PCDHA2: variants seen among roughly 807,000 people sequenced by gnomAD.
PCDHA2 encodes the protein protocadherin alpha 2.
A neutral mutation model predicts 66.0 loss-of-function variants in PCDHA2; 58 were observed. That is an observed-to-expected ratio of 0.88 (90% CI 0.71 to 1.09). PCDHA2 has a LOEUF of 1.09. Ranked by LOEUF, PCDHA2 falls within the 50% of genes least tolerant of loss-of-function variation. PCDHA2 has a pLI of 0.00. For synonymous variants in PCDHA2, 634 were observed against 554.0 expected (o/e 1.14, Z -2.03); for missense variants, 1,267 against 1,242.3 (o/e 1.02, Z -0.30).
At chr5:140,857,933 G>A (rs1554150890) in intron 1 of PCDHA2, 2 of 1,597,790 alleles carry the variant, frequency 1.3e-6, no homozygotes, top group Admixed American at 1.7e-5. Context: ...GTACACGGGC[G>A]AGATCAGTAC....
intron 1 of PCDHA2, chr5:140,808,975 G>T: frequency 2.5e-6 from 4 of 1,613,626 alleles, no homozygotes; most frequent in Non-Finnish European, 3.4e-6. Context: ...AGGTGCGCGC[G>T]GTGGATGCTG....
intron 3 of PCDHA2, among the ~76,000 whole-genome samples, chr5:141,008,506 T>G (rs1362141784): frequency 5.9e-5 from 9 of 152,202 alleles, no homozygotes; most frequent in African/African-American, 2.2e-4. Context: ...CTTTATGGTG[T>G]GTCTTCCAAT....
intron 1 of PCDHA2, chr5:140,884,253 C>T (rs1356283866): frequency 6.2e-7 from 1 of 1,613,418 alleles, no homozygotes; most frequent in East Asian, 2.2e-5. Context: ...CTGACGGCCA[C>T]GGCAACGGTG....
At chr5:140,972,871 C>G (rs1436283252) in intron 1 of PCDHA2, among the ~76,000 whole-genome samples, 1 of 152,030 alleles carries the variant, frequency 6.6e-6, no homozygotes, top group Non-Finnish European at 1.5e-5. Flanking sequence ...ATCATGTTGT[C>G]CAGGATGGTC....
At chr5:140,800,673 A>T (rs191839009) in intron 1 of PCDHA2, among the ~76,000 whole-genome samples, 11 of 152,330 alleles carry the variant, frequency 7.2e-5, no homozygotes, top group Non-Finnish European at 1.3e-4. Flanking sequence ...TAAAAAGCGA[A>T]TAATATTAAA....
chr5:140,803,859 T>C lies in PCDHA2; in HGVS notation c.2388+6507T>C, dbSNP rs1763294322. 3 of 578,102 alleles carry C rather than the reference T, an allele frequency of 5.2e-6. No individual in the cohort carries two copies. The South Asian group carries it at 6.9e-5, about 13-fold the overall frequency. 35.8% of individuals were successfully genotyped at this position (578,102 alleles called of 1,614,324 possible). A position where few individuals can be genotyped will look rare whatever the true frequency, so the allele number is the denominator to read the frequency against. ...ATTATTTTATTGCTAAATGCCTGGG[T>C]ATAAGACAAATATTTTTTCTTAGAT... On this transcript the variant is annotated intron_variant, in intron 1 of 3. Coordinates refer to ENST00000526136, the MANE Select transcript of PCDHA2 (RefSeq NM_018905.3).
chr5:141,007,394 A>G (rs2098323051), intron 3 of PCDHA2, among the ~76,000 whole-genome samples: 16 of 86,170 alleles, frequency 1.9e-4, no homozygotes, highest in Non-Finnish European at 3.5e-4. Context: ...CTACTAAAAT[A>G]CAAAAAAAAA....
At chr5:140,913,440 T>A (rs2076337142) in intron 1 of PCDHA2, among the ~76,000 whole-genome samples, 1 of 152,224 alleles carries the variant, frequency 6.6e-6, no homozygotes, top group Non-Finnish European at 1.5e-5. Context: ...GCCTCCTTTT[T>A]CAGCTCCGAT....
intron 1 of PCDHA2, chr5:140,966,502 G>GGCAGCA (rs2096011406): frequency 6.9e-6 from 3 of 433,776 alleles, no homozygotes; most frequent in Non-Finnish European, 1.2e-5. Context: ...GAGCTGTAGC[G>GGCAGCA]GCAGCAGCAG....
At chr5:140,956,953 C>T (rs1347983778) in intron 1 of PCDHA2, among the ~76,000 whole-genome samples, 1 of 135,202 alleles carries the variant, frequency 7.4e-6, no homozygotes, top group Non-Finnish European at 1.7e-5. Flanking sequence ...CATTAAAACA[C>T]TGTAATTAAT....
chr5:140,842,051 C>G (rs2150328197), intron 1 of PCDHA2: 4 of 1,613,852 alleles, frequency 2.5e-6, no homozygotes, highest in Non-Finnish European at 3.4e-6. Flanking sequence ...CACTTTCGAA[C>G]AGTCTGAATA....
At chr5:140,835,601 A>G (rs2150239166) in intron 1 of PCDHA2, 39 of 1,613,774 alleles carry the variant, frequency 2.4e-5, no homozygotes, top group African/African-American at 6.7e-5. Flanking sequence ...ATTACTATTC[A>G]TTGGTGCTGG....
chr5:140,887,711 T>C (rs1486449046), intron 1 of PCDHA2, among the ~76,000 whole-genome samples: 1 of 152,198 alleles, frequency 6.6e-6, no homozygotes, highest in African/African-American at 2.4e-5. Context: ...ATACTTCTTC[T>C]AATAGTTTTT....
At chr5:140,923,376 A>T (rs1331786466) in intron 1 of PCDHA2, among the ~76,000 whole-genome samples, 5 of 152,086 alleles carry the variant, frequency 3.3e-5, no homozygotes, top group Non-Finnish European at 7.3e-5. Flanking sequence ...ATATTTTTAA[A>T]AATTAGTTGG....
intron 1 of PCDHA2, chr5:140,967,964 G>T: frequency 6.2e-7 from 1 of 1,614,210 alleles, no homozygotes. Flanking sequence ...CAACCGGAAA[G>T]TGAGCCTGGG....
intron 1 of PCDHA2, among the ~76,000 whole-genome samples, chr5:140,953,068 C>A (rs1243228817): frequency 6.6e-6 from 1 of 152,198 alleles, no homozygotes; most frequent in East Asian, 1.9e-4. Context: ...CAGGCCCCAT[C>A]TCCAACATTG....
At chr5:140,948,271 T>C (rs1295867135) in intron 1 of PCDHA2, among the ~76,000 whole-genome samples, 4 of 151,646 alleles carry the variant, frequency 2.6e-5, no homozygotes, top group Non-Finnish European at 5.9e-5. Flanking sequence ...TCATGTAGAA[T>C]ATCTGTAAAT....
At chr5:140,968,818 T>C in intron 1 of PCDHA2, 1 of 1,614,188 alleles carries the variant, frequency 6.2e-7, no homozygotes, top group South Asian at 1.1e-5. Flanking sequence ...TGGATAGGGT[T>C]TCCAAAATCC....
intron 1 of PCDHA2, among the ~76,000 whole-genome samples, chr5:140,922,947 C>A (rs533564361): frequency 6.6e-6 from 1 of 152,178 alleles, no homozygotes; most frequent in South Asian, 2.1e-4. Context: ...AATGGAAATC[C>A]AGTTTGTCTT....
Sources: allele counts gnomAD v4.1 joint callset (sites outside exome capture counted in the v4.1 genomes callset), GRCh38; gene constraint gnomAD v4.1.1; transcripts MANE v1.5; gene names NCBI Gene and HGNC (gene_info 2026-07-23, HGNC 2026-07-21).